SORCS3: variants seen among roughly 807,000 people sequenced by gnomAD.
The protein encoded by SORCS3 is VPS10 domain-containing receptor SorCS3.
A neutral mutation model predicts 146.3 loss-of-function variants in SORCS3; 57 were observed. That is an observed-to-expected ratio of 0.39 (90% CI 0.31 to 0.49). The LOEUF is 0.49. Ranked by LOEUF, SORCS3 falls within the 20% of genes least tolerant of loss-of-function variation. The pLI is 0.92. For missense variants in SORCS3, 1,341 were observed against 1,575.5 expected, an observed-to-expected ratio of 0.85 and a Z score of 2.52; for synonymous variants, 653 against 618.5, an observed-to-expected ratio of 1.06 and a Z score of -0.83.
intron 1 of SORCS3, among the ~76,000 whole-genome samples, chr10:104,703,717 T>TG (rs974649813): frequency 3.3e-5 from 5 of 151,092 alleles, no homozygotes; most frequent in East Asian, 1.9e-4. Context: ...TCCTGTTTTT[T>TG]TTTTTTTTTT....
At chr10:104,945,305 G>A (rs2019358986) in intron 3 of SORCS3, among the ~76,000 whole-genome samples, 1 of 152,004 alleles carries the variant, frequency 6.6e-6, no homozygotes, top group Non-Finnish European at 1.5e-5. Context: ...AGGCTGGAGT[G>A]CAGTTGCATG....
chr10:105,095,322 C>G (rs1014155674), intron 6 of SORCS3, among the ~76,000 whole-genome samples: 11 of 152,104 alleles, frequency 7.2e-5, no homozygotes, highest in Non-Finnish European at 1.3e-4. Context: ...TGGCCCCGGA[C>G]AAGTGGTGGA....
rs985304171 is a variant in SORCS3, at chr10:104,992,220, A to G, written c.954+14727A>G. 2.0e-5 allele frequency among the ~76,000 whole-genome samples: 3 copies of G among 152,164 alleles called. No individual in the cohort carries two copies. The East Asian group carries it at 5.8e-4, about 29-fold the overall frequency. ...AGAGGCCCTGAGCCTGGTCAGGAAG[A>G]TTCCAAGCTGGTCTTTGGCCTTGAC... On this transcript the variant is annotated intron_variant, in intron 4 of 26. Transcript: ENST00000369701.
intron 20 of SORCS3, among the ~76,000 whole-genome samples, chr10:105,243,777 T>A (rs2056850405): frequency 6.6e-6 from 1 of 152,192 alleles, no homozygotes; most frequent in African/African-American, 2.4e-5. Flanking sequence ...AACCTCGTCA[T>A]AAAACAGAGC....
intron 1 of SORCS3, among the ~76,000 whole-genome samples, chr10:104,830,500 A>G (rs2932555): frequency 0.84 from 127,717 of 152,102 alleles, 54,097 homozygotes; most frequent in East Asian, 0.98. Context: ...ACTGAGACCC[A>G]TCCCCATTGC....
chr10:105,186,275 A>G lies in SORCS3; in HGVS notation c.2009+8102A>G, dbSNP rs569041517. Among the ~76,000 whole-genome samples, 6 of 152,304 alleles carry G rather than the reference A, an allele frequency of 3.9e-5. No individual in the cohort carries two copies. In the East Asian group the frequency reaches 1.2e-3, roughly 29 times the overall value. ...ACATGTGGATTATCTTTGCAGATAG[A>G]ATGCCAGGGCTTTTTATTTGTTCTG... On this transcript the variant is annotated intron_variant, in intron 14 of 26. Transcript: ENST00000369701.
At chr10:104,946,497 G>T (rs1313871203) in intron 3 of SORCS3, among the ~76,000 whole-genome samples, 1 of 152,168 alleles carries the variant, frequency 6.6e-6, no homozygotes, top group Non-Finnish European at 1.5e-5. Context: ...TAAGCACTTT[G>T]TCGTAGTCAG....
intron 13 of SORCS3, among the ~76,000 whole-genome samples, chr10:105,167,993 G>A (rs1219353641): frequency 6.6e-6 from 1 of 151,888 alleles, no homozygotes; most frequent in Admixed American, 6.6e-5. Context: ...TAGAAACTAA[G>A]GGGAAATATT....
At chr10:105,236,598 G>A (rs920235727) in intron 20 of SORCS3, among the ~76,000 whole-genome samples, 1 of 152,126 alleles carries the variant, frequency 6.6e-6, no homozygotes, top group African/African-American at 2.4e-5. Flanking sequence ...TACCAACACA[G>A]TGATTTACTT....
intron 1 of SORCS3, among the ~76,000 whole-genome samples, chr10:104,672,102 CA>C (rs1454724801): frequency 1.2e-4 from 18 of 152,170 alleles, no homozygotes; most frequent in African/African-American, 4.3e-4. Context: ...CCATCAGGTC[CA>C]GGGTTTTTAT....
chr10:104,783,102 T>A (rs2017393144), intron 1 of SORCS3, among the ~76,000 whole-genome samples: 1 of 152,228 alleles, frequency 6.6e-6, no homozygotes, highest in African/African-American at 2.4e-5. Flanking sequence ...AAATTCACTT[T>A]GCGTGGAATG....
At chr10:105,158,846 G>A in intron 10 of SORCS3, 46 bp from the exon 11 acceptor site, 1 of 1,452,636 alleles carries the variant, frequency 6.9e-7, no homozygotes, top group Non-Finnish European at 9.7e-7. Context: ...AGGGGTACAG[G>A]TGTCTGGAAT....
At chr10:105,224,108 GTTTAC>G (rs1303058794) in intron 20 of SORCS3, among the ~76,000 whole-genome samples, 1 of 152,124 alleles carries the variant, frequency 6.6e-6, no homozygotes, top group African/African-American at 2.4e-5. Flanking sequence ...AAAGTCCATA[GTTTAC>G]TTTAGATTCA....
chr10:104,968,484 G>A (rs2054840149), intron 3 of SORCS3, among the ~76,000 whole-genome samples: 1 of 152,144 alleles, frequency 6.6e-6, no homozygotes, highest in Non-Finnish European at 1.5e-5. Flanking sequence ...TCTGCATTGA[G>A]AGCCTATAAC....
chr10:104,682,124 T>C (rs1589455907), intron 1 of SORCS3, among the ~76,000 whole-genome samples: 1 of 152,126 alleles, frequency 6.6e-6, no homozygotes, highest in Non-Finnish European at 1.5e-5. Flanking sequence ...CAAGGCAAGG[T>C]GGTAGAAACA....
intron 1 of SORCS3, among the ~76,000 whole-genome samples, chr10:104,760,779 A>G (rs988000319): frequency 6.6e-6 from 1 of 152,172 alleles, no homozygotes; most frequent in African/African-American, 2.4e-5. Context: ...GCTCATCAGT[A>G]TGAGTCTCTT....
At chr10:105,245,412 A>G in intron 20 of SORCS3, 130 bp from the exon 21 acceptor site, 2 of 1,068,204 alleles carry the variant, frequency 1.9e-6, no homozygotes, top group Non-Finnish European at 2.7e-6. Flanking sequence ...GTTTTAAGAA[A>G]CGGTATAACG....
At chr10:104,947,303 G>T (rs930349687) in intron 3 of SORCS3, among the ~76,000 whole-genome samples, 1 of 152,022 alleles carries the variant, frequency 6.6e-6, no homozygotes, top group South Asian at 2.1e-4. Context: ...TAGTTTTTGC[G>T]GATTGAGGGG....
In SORCS3 at chr10:105,022,400, C is replaced by A. The variant is rs151284166; in HGVS notation, c.955-20655C>A. ...GCAACCTCTGCCCCCTAGGTTCAAG[C>A]GATTCTACTGCCTCAGCTCCCTGAG... On this transcript the variant is annotated intron_variant, in intron 4 of 26. Coordinates refer to ENST00000369701, the MANE Select transcript of SORCS3 (RefSeq NM_014978.3). 6.4e-4 allele frequency among the ~76,000 whole-genome samples: 96 copies of A among 150,528 alleles called. 1 individual carries two copies. The East Asian group carries it at 0.018, about 28-fold the overall frequency.
Sources: gnomAD v4.1 joint callset for allele counts (sites outside exome capture counted in the v4.1 genomes callset) on GRCh38, gnomAD v4.1.1 for gene constraint, MANE v1.5 for transcripts, NCBI Gene and HGNC (gene_info 2026-07-23, HGNC 2026-07-21) for gene names.